The following CNTN5 variants were observed in gnomAD, a reference collection of about 807,000 sequenced individuals.
CNTN5 encodes contactin 5.
CNTN5 carries 77 observed loss-of-function variants against 129.1 expected under a neutral mutation model. That is an observed-to-expected ratio of 0.60 (90% confidence interval 0.50 to 0.72). The LOEUF is 0.72. Ranked by LOEUF, CNTN5 falls within the 30% of genes least tolerant of loss-of-function variation. CNTN5 has a pLI of 0.00. For missense variants in CNTN5, 1,478 were observed against 1,328.8 expected, an observed-to-expected ratio of 1.11 and a Z score of -1.75; for synonymous variants, 509 against 465.6, an observed-to-expected ratio of 1.09 and a Z score of -1.20.
intron 18 of CNTN5, among the ~76,000 whole-genome samples, chr11:100,294,518 C>A (rs1412974510): frequency 2.6e-5 from 4 of 151,706 alleles, no homozygotes; most frequent in African/African-American, 9.7e-5. Context: ...AAGAATCAGA[C>A]TTAAACCTGC....
At chr11:100,316,320 T>C (rs1293524388) in intron 21 of CNTN5, among the ~76,000 whole-genome samples, 10 of 152,208 alleles carry the variant, frequency 6.6e-5, no homozygotes, top group Non-Finnish European at 1.3e-4. Context: ...TATCGGGCAC[T>C]ATGCTGGGCA....
At position 100,331,852 on chromosome 11, in the gene CNTN5, G is replaced by A. The variant is rs951843137; in HGVS notation, c.2731-8611G>A. On this transcript the variant is annotated intron_variant, in intron 21 of 24. Transcript: ENST00000524871. Reference sequence around the variant, plus strand: ...GAAAAAACTAAGAGATAAGAAGAAAGTTCATAGTATTAAATGACTAGATTA... The same window carrying A: ...GAAAAAACTAAGAGATAAGAAGAAAATTCATAGTATTAAATGACTAGATTA... 8.5e-5 allele frequency among the ~76,000 whole-genome samples: 13 copies of A among 152,086 alleles called. No homozygotes were observed. In the East Asian group the frequency reaches 2.5e-3, roughly 29 times the overall value.
intron 13 of CNTN5, among the ~76,000 whole-genome samples, chr11:100,158,821 A>G (rs1293751628): frequency 1.3e-5 from 2 of 151,856 alleles, no homozygotes; most frequent in African/African-American, 2.4e-5. Flanking sequence ...TAGCTTTTCA[A>G]CTTTTATGCA....
intron 13 of CNTN5, among the ~76,000 whole-genome samples, chr11:100,188,574 A>G (rs962291340): frequency 2.0e-5 from 3 of 152,204 alleles, no homozygotes; most frequent in Admixed American, 2.0e-4. Flanking sequence ...GCTATCATTA[A>G]CAAGACAAAA....
chr11:99,845,317 A>G, intron 6 of CNTN5, 55 bp downstream of exon 6: 1 of 663,152 alleles, frequency 1.5e-6, no homozygotes, highest in Non-Finnish European at 2.1e-6. Context: ...TATATACAGT[A>G]TGGATTTTTA....
intron 4 of CNTN5, among the ~76,000 whole-genome samples, chr11:99,842,805 C>G (rs972699741): frequency 6.6e-6 from 1 of 152,008 alleles, no homozygotes; most frequent in Admixed American, 6.6e-5. Context: ...TGACAATTTT[C>G]TCTAGTTATT....
intron 3 of CNTN5, among the ~76,000 whole-genome samples, chr11:99,770,962 C>G (rs1939371): frequency 0.65 from 98,192 of 151,848 alleles, 32,996 homozygotes; most frequent in African/African-American, 0.8. Context: ...AAACTGAACA[C>G]ACAACAGAGA....
rs11223237 is a variant in CNTN5, at chr11:100,210,195, A to T, written c.1885-14497A>T. On this transcript the variant is annotated intron_variant, in intron 15 of 24. Coordinates refer to ENST00000524871, the MANE Select transcript of CNTN5 (RefSeq NM_014361.4). ...TATACAAAAAAAAAAAAAAAAAAAT[A>T]CAAAAAATTATCCAGGCTTGATGGC... Among the ~76,000 whole-genome samples the T allele has an allele frequency of 2.2e-5, 3 of 136,928 alleles. No individual in the cohort carries two copies. The South Asian group carries it at 6.7e-4, about 31-fold the overall frequency. The allele number at this position is 136,928 out of a possible 152,430, so 89.8% of individuals were successfully genotyped here. A position where few individuals can be genotyped will look rare whatever the true frequency, so the allele number is the denominator to read the frequency against.
intron 21 of CNTN5, among the ~76,000 whole-genome samples, chr11:100,320,743 A>G (rs1951674732): frequency 6.6e-6 from 1 of 152,146 alleles, no homozygotes; most frequent in Admixed American, 6.5e-5. Context: ...ACATGGTGGA[A>G]GCTGAAGGTC....
chr11:99,822,412 T>A lies in CNTN5; in HGVS notation c.277+2647T>A, dbSNP rs560155657. Among the ~76,000 whole-genome samples, 217 of 152,238 alleles carry A rather than the reference T, an allele frequency of 1.4e-3. 1 individual carries two copies. The highest frequency in any genetic ancestry group is 5.1e-3 in the African/African-American group (212 of 41,542). On this transcript the variant is annotated intron_variant, in intron 4 of 24. Coordinates refer to ENST00000524871, the MANE Select transcript of CNTN5 (RefSeq NM_014361.4). ...TTTATTTAATGGAGAACTAAAACTGTTAAAGTGAATAGAAAGAAAATGGAT... is the reference window on the plus strand; with the variant it reads ...TTTATTTAATGGAGAACTAAAACTGATAAAGTGAATAGAAAGAAAATGGAT...
At chr11:99,732,568 T>C (rs1044041559) in intron 3 of CNTN5, among the ~76,000 whole-genome samples, 3 of 152,180 alleles carry the variant, frequency 2.0e-5, no homozygotes, top group Admixed American at 1.3e-4. Context: ...TTGAGTGGAA[T>C]ATTGGAGACA....
intron 7 of CNTN5, among the ~76,000 whole-genome samples, chr11:99,939,065 T>C (rs1950377032): frequency 6.6e-6 from 1 of 152,078 alleles, no homozygotes; most frequent in Admixed American, 6.6e-5. Context: ...TTATCAACCC[T>C]CCGGTGTTTC....
chr11:99,635,631 A>G (rs1365880096), intron 3 of CNTN5, among the ~76,000 whole-genome samples: 1 of 151,942 alleles, frequency 6.6e-6, no homozygotes, highest in African/African-American at 2.4e-5. Context: ...TGGCATTTTT[A>G]TTTTTACAAA....
At chr11:100,034,570 A>G (rs17094204) in intron 9 of CNTN5, among the ~76,000 whole-genome samples, 22,593 of 152,138 alleles carry the variant, frequency 0.15, 1,717 homozygotes, top group Non-Finnish European at 0.17. Flanking sequence ...AGAGTGTCCT[A>G]AACCAAAGTC....
At chr11:100,332,856 C>T (rs1951934080) in intron 21 of CNTN5, among the ~76,000 whole-genome samples, 2 of 151,994 alleles carry the variant, frequency 1.3e-5, no homozygotes, top group East Asian at 1.9e-4. Context: ...GGGGAAAACT[C>T]GAAACCATTT....
chr11:99,699,098 T>C (rs977453930), intron 3 of CNTN5, among the ~76,000 whole-genome samples: 2 of 151,462 alleles, frequency 1.3e-5, no homozygotes, highest in Admixed American at 1.3e-4. Flanking sequence ...ACGTTCAATT[T>C]TCTTCTCACC....
chr11:99,148,924 C>T (rs978728806), intron 1 of CNTN5, among the ~76,000 whole-genome samples: 5 of 151,974 alleles, frequency 3.3e-5, no homozygotes, highest in African/African-American at 7.3e-5. Flanking sequence ...TTCTCAAACC[C>T]TTCTATCCTC....
intron 15 of CNTN5, among the ~76,000 whole-genome samples, chr11:100,197,296 C>T (rs942066334): frequency 6.6e-6 from 1 of 151,948 alleles, no homozygotes; most frequent in Non-Finnish European, 1.5e-5. Context: ...GATTTCGGAG[C>T]TATAAAATTT....
At chr11:99,577,924 C>T (rs959277230) in intron 3 of CNTN5, among the ~76,000 whole-genome samples, 5 of 151,362 alleles carry the variant, frequency 3.3e-5, no homozygotes, top group African/African-American at 1.2e-4. Context: ...GTGTGCTGCA[C>T]CCATTAACTC....
Sources: gnomAD v4.1 joint callset for allele counts (sites outside exome capture counted in the v4.1 genomes callset) on GRCh38, gnomAD v4.1.1 for gene constraint, MANE v1.5 for transcripts, NCBI Gene and HGNC (gene_info 2026-07-23, HGNC 2026-07-21) for gene names.